DNAH9: variants seen among roughly 807,000 people sequenced by gnomAD.
The protein encoded by DNAH9 is DNAH9 variant protein.
In DNAH9, 345 loss-of-function variants were observed where a neutral mutation model predicts 471.6. The ratio of observed to expected loss-of-function variants is 0.73; its 90% CI spans 0.67 to 0.80. DNAH9 has a LOEUF of 0.80. Among genes scored for constraint, DNAH9 ranks in the 30% least tolerant of loss-of-function variants. DNAH9 has a pLI of 0.00. For missense variants in DNAH9, 5,407 were observed against 5,609.2 expected, an observed-to-expected ratio of 0.96 and a Z score of 1.15; for synonymous variants, 2,093 against 2,123.6, an observed-to-expected ratio of 0.99 and a Z score of 0.40.
chr17:11,853,910 C>T, intron 49 of DNAH9, 93 bp from the exon 50 acceptor site: 1 of 1,272,814 alleles, frequency 7.9e-7, no homozygotes, highest in Non-Finnish European at 1.1e-6. Flanking sequence ...GCAGCCCTTT[C>T]AAACCGATCG....
chr17:11,713,699 G>A (rs9912412), intron 26 of DNAH9, among the ~76,000 whole-genome samples: 140,158 of 152,204 alleles, frequency 0.92, 65,075 homozygotes, highest in Non-Finnish European at 0.98. Flanking sequence ...CTTTCTTTTC[G>A]CTTGTGTACA....
chr17:11,714,368 A>G (rs569975758), intron 26 of DNAH9, among the ~76,000 whole-genome samples: 3 of 152,306 alleles, frequency 2.0e-5, no homozygotes, highest in East Asian at 1.9e-4. Flanking sequence ...AATTTGTTCT[A>G]TCGTCTATCT....
Position 11,834,661 on chromosome 17 carries a change from G to A in DNAH9, c.9270G>A (p.Leu3090=). The change falls in exon 49 of 69, where the codon CTG becomes CTA. Residue 3090 remains leucine, a synonymous_variant. Coordinates refer to ENST00000262442, the MANE Select transcript of DNAH9 (RefSeq NM_001372.4). The stretch of plus-strand genomic sequence containing the variant: ...AGGTGGATGATCTGAAAGCAAAGCT[G>A]GCTGCCCAGGAAGTAGAGCTGAAGC... The part of the protein sequence containing the change: ...SAQVDDLKAK[L]AAQEVELKQK... 6.2e-7 allele frequency: 1 copy of A among 1,614,098 alleles called. No individual in the cohort carries two copies. The highest frequency in any genetic ancestry group is 8.5e-7 in the Non-Finnish European group (1 of 1,180,028).
At chr17:11,778,873 G>A (rs1968564165) in intron 38 of DNAH9, among the ~76,000 whole-genome samples, 1 of 152,008 alleles carries the variant, frequency 6.6e-6, no homozygotes, top group Non-Finnish European at 1.5e-5. Context: ...AGGTGTGGTG[G>A]TGTATGCCTG....
chr17:11,689,153 C>G (rs1261501959), intron 19 of DNAH9, among the ~76,000 whole-genome samples: 1 of 152,036 alleles, frequency 6.6e-6, no homozygotes, highest in Non-Finnish European at 1.5e-5. Context: ...AGGTTCCTGG[C>G]AAGGCCCTTG....
chr17:11,757,820 G>C lies in DNAH9; in HGVS notation c.6995+128G>C, dbSNP rs148601340. On this transcript the variant is annotated intron_variant, in intron 35 of 68. Coordinates refer to ENST00000262442, the MANE Select transcript of DNAH9 (RefSeq NM_001372.4). ...ATGTTCCCAGAGCGATCTCCTCCAG[G>C]CATGGCAGATGGCAAAGGGGACACA... 15 of 1,002,384 alleles carry C rather than the reference G, an allele frequency of 1.5e-5. No individual in the cohort carries two copies. The African/African-American group carries it at 2.1e-4, about 14-fold the overall frequency. The allele number at this position is 1,002,384 out of a possible 1,614,324, so 62.1% of individuals were successfully genotyped here.
At chr17:11,826,551 C>T (rs1344030448) in intron 48 of DNAH9, among the ~76,000 whole-genome samples, 2 of 149,070 alleles carry the variant, frequency 1.3e-5, no homozygotes, top group Admixed American at 6.7e-5. Context: ...AGCTCTGCCT[C>T]CCGGGTTCAC....
intron 38 of DNAH9, among the ~76,000 whole-genome samples, chr17:11,779,358 G>A (rs1179038433): frequency 6.6e-6 from 1 of 152,062 alleles, no homozygotes; most frequent in Non-Finnish European, 1.5e-5. Flanking sequence ...AATTCTACTT[G>A]GAAACAGAGT....
chr17:11,716,992 G>A (rs1435376516), intron 26 of DNAH9, among the ~76,000 whole-genome samples: 1 of 152,224 alleles, frequency 6.6e-6, no homozygotes, highest in Non-Finnish European at 1.5e-5. Flanking sequence ...GGCAGGTTCA[G>A]GTGAGGCCAC....
At position 11,793,476 on chromosome 17, in the gene DNAH9, A is replaced by AT. The variant is rs202195115; in HGVS notation, c.8062-20dup. ...GTACCTCTGGATGGTTATTAACGTT[A>AT]TTTTTTTGTGTCTGTTCCCCTTGAA... On this transcript the variant is annotated intron_variant, in intron 41 of 68. Coordinates refer to ENST00000262442, the MANE Select transcript of DNAH9 (RefSeq NM_001372.4). 1.0e-3 allele frequency: 1,616 copies of AT among 1,595,790 alleles called. 15 individuals are homozygous for AT. In the African/African-American group the frequency reaches 0.02, roughly 20 times the overall value.
chr17:11,607,807 T>G (rs2072541726), intron 1 of DNAH9, among the ~76,000 whole-genome samples: 1 of 152,092 alleles, frequency 6.6e-6, no homozygotes, highest in Non-Finnish European at 1.5e-5. Context: ...CGACCTCAGG[T>G]GATCCACCTG....
At chr17:11,911,303 T>C (rs1973786851) in intron 61 of DNAH9, among the ~76,000 whole-genome samples, 2 of 152,348 alleles carry the variant, frequency 1.3e-5, no homozygotes, top group Non-Finnish European at 2.9e-5. Context: ...TCTTTCCCGG[T>C]TAAATGATGT....
At chr17:11,730,177 T>C (rs141624519) in intron 28 of DNAH9, among the ~76,000 whole-genome samples, 114 of 152,250 alleles carry the variant, frequency 7.5e-4, no homozygotes, top group Middle Eastern at 3.4e-3. Flanking sequence ...GGAAGACAAA[T>C]GGCTAGCCTG....
intron 49 of DNAH9, among the ~76,000 whole-genome samples, chr17:11,839,602 AC>A (rs1970963071): frequency 6.6e-6 from 1 of 151,920 alleles, no homozygotes; most frequent in African/African-American, 2.4e-5. Flanking sequence ...TCAGCCCCTG[AC>A]CTCTCCTAGT....
intron 38 of DNAH9, among the ~76,000 whole-genome samples, chr17:11,776,195 G>A (rs980236506): frequency 2.0e-5 from 3 of 152,106 alleles, no homozygotes; most frequent in Admixed American, 6.6e-5. Context: ...CGTTAGTGGC[G>A]TAAATATTCT....
chr17:11,663,135 A>C (rs2073806226), intron 14 of DNAH9, among the ~76,000 whole-genome samples: 1 of 152,292 alleles, frequency 6.6e-6, no homozygotes, highest in South Asian at 2.1e-4. Context: ...CAGGGTCTCA[A>C]CTGAATTCCT....
At chr17:11,704,088 G>A (rs1158087986) in intron 24 of DNAH9, 115 bp from the exon 25 acceptor site, 2 of 1,151,400 alleles carry the variant, frequency 1.7e-6, no homozygotes, top group Non-Finnish European at 2.5e-6. Context: ...GGAAGAGGGA[G>A]GGATGGGGCT....
At chr17:11,807,035 A>G (rs1180071810) in intron 43 of DNAH9, among the ~76,000 whole-genome samples, 2 of 152,076 alleles carry the variant, frequency 1.3e-5, no homozygotes, top group East Asian at 1.9e-4. Flanking sequence ...CATTGCAAGG[A>G]AGGGGGCAAG....
chr17:11,733,251 G>A (rs2075296158), intron 28 of DNAH9, among the ~76,000 whole-genome samples: 1 of 152,182 alleles, frequency 6.6e-6, no homozygotes, highest in South Asian at 2.1e-4. Flanking sequence ...GAAGGGCCAA[G>A]GTAGAGGGGT....
Sources: allele counts gnomAD v4.1 joint callset (sites outside exome capture counted in the v4.1 genomes callset), GRCh38; gene constraint gnomAD v4.1.1; transcripts MANE v1.5; gene names NCBI Gene and HGNC (gene_info 2026-07-23, HGNC 2026-07-21).